The following TEX9 variants were observed in gnomAD, a reference collection of about 807,000 sequenced individuals.
TEX9 encodes testis expressed 9.
A neutral mutation model predicts 59.6 loss-of-function variants in TEX9; 74 were observed. The observed-to-expected ratio is 1.24, with a 90% confidence interval of 1.03 to 1.51. The LOEUF (loss-of-function observed/expected upper bound fraction) is 1.51, where lower values mean the gene tolerates loss of function less well. Ranked by LOEUF, TEX9 falls within the 40% of genes most tolerant of loss-of-function variation. TEX9 has a pLI of 0.00. For missense variants in TEX9, 522 were observed against 447.8 expected, an observed-to-expected ratio of 1.17 and a Z score of -1.49; for synonymous variants, 186 against 152.2, an observed-to-expected ratio of 1.22 and a Z score of -1.64.
chr15:56,260,735 G>C (rs965279449), intron 1 of TEX9, among the ~76,000 whole-genome samples: 7 of 151,704 alleles, frequency 4.6e-5, no homozygotes, highest in Admixed American at 1.3e-4. Flanking sequence ...TCATATTTTT[G>C]TGTTAGGGTT....
In TEX9 at chr15:56,317,705, G is replaced by T. The variant is rs376288277; in HGVS notation, c.-106-55736G>T. Among the ~76,000 whole-genome samples, 21 of 152,044 alleles carry T rather than the reference G, an allele frequency of 1.4e-4. 1 individual carries two copies. Among genetic ancestry groups the T allele is most frequent in the South Asian group, 1.2e-3 (6 of 4,810 alleles). On this transcript the variant is annotated intron_variant, in intron 1 of 5. Transcript: ENST00000560827. ...ACAGCTTAATTGTGTTCCATATATT[G>T]TACTTTCATTTTCATTAATCTCAAG...
At chr15:56,306,986 T>C (rs1308801028) in intron 1 of TEX9, among the ~76,000 whole-genome samples, 3 of 152,204 alleles carry the variant, frequency 2.0e-5, no homozygotes, top group Non-Finnish European at 4.4e-5. Flanking sequence ...AACAGTCTTT[T>C]TTCACTCATA....
At chr15:56,394,060 C>A in intron 7 of TEX9, 105 bp from the exon 8 acceptor site, 2 of 1,006,470 alleles carry the variant, frequency 2.0e-6, no homozygotes, top group Non-Finnish European at 2.9e-6. Context: ...CTATTTGACT[C>A]CCCATCTTGA....
chr15:56,306,673 G>T (rs557245769), intron 1 of TEX9, among the ~76,000 whole-genome samples: 1 of 152,208 alleles, frequency 6.6e-6, no homozygotes, highest in African/African-American at 2.4e-5. Flanking sequence ...AGACTAAGAT[G>T]TAGTATTTTA....
At chr15:56,284,277 G>A (rs370053828) in intron 1 of TEX9, among the ~76,000 whole-genome samples, 7 of 152,146 alleles carry the variant, frequency 4.6e-5, no homozygotes, top group African/African-American at 1.4e-4. Context: ...GATTACAGGC[G>A]TGAGCCACAA....
intron 9 of TEX9, among the ~76,000 whole-genome samples, chr15:56,407,621 T>G (rs1183480209): frequency 6.6e-6 from 1 of 152,164 alleles, no homozygotes; most frequent in Non-Finnish European, 1.5e-5. Context: ...AGTCCTACTT[T>G]AAATGTATTT....
chr15:56,306,337 A>G (rs189765403), intron 1 of TEX9, among the ~76,000 whole-genome samples: 78 of 151,144 alleles, frequency 5.2e-4, no homozygotes, highest in African/African-American at 1.8e-3. Flanking sequence ...TACTATTCAC[A>G]GTAGCCATGA....
intron 1 of TEX9, among the ~76,000 whole-genome samples, chr15:56,298,871 C>A (rs1179162744): frequency 6.6e-6 from 1 of 152,124 alleles, no homozygotes; most frequent in African/African-American, 2.4e-5. Flanking sequence ...AGTTCTGTTC[C>A]TACAAGAATT....
chr15:56,428,351 A>ATT lies in TEX9; in HGVS notation c.1099-7_1099-6dup. 2 of 1,471,216 alleles carry ATT rather than the reference A, an allele frequency of 1.4e-6. No homozygotes were observed. The highest frequency in any genetic ancestry group is 1.4e-5 in the African/African-American group (1 of 71,350). The allele number at this position is 1,471,216 out of a possible 1,614,324, so 91.1% of individuals were successfully genotyped here. A position where few individuals can be genotyped will look rare whatever the true frequency, so the allele number is the denominator to read the frequency against. ...CTTAATACTAAATCAGACAATATTG[A>ATT]TTTTTTTTTTAACAGATGCATATTG... On this transcript the variant is annotated splice_polypyrimidine_tract_variant and intron_variant, in intron 11 of 12. Transcript: ENST00000352903.
At chr15:56,256,496 GA>G (rs1251770341) in intron 1 of TEX9, among the ~76,000 whole-genome samples, 1 of 151,694 alleles carries the variant, frequency 6.6e-6, no homozygotes, top group Non-Finnish European at 1.5e-5. Context: ...AAAAGCTAGT[GA>G]AAAAAATACA....
At chr15:56,416,225 T>C (rs762227193) in intron 10 of TEX9, among the ~76,000 whole-genome samples, 18 of 151,894 alleles carry the variant, frequency 1.2e-4, no homozygotes, top group Non-Finnish European at 2.5e-4. Context: ...TCTTGCCTGA[T>C]TCCTCTGGTT....
intron 9 of TEX9, chr15:56,397,698 T>C (rs537507860): frequency 4.1e-4 from 63 of 152,358 alleles, no homozygotes; most frequent in African/African-American, 1.5e-3. Flanking sequence ...TCCCATGTGT[T>C]GTGGGAGGGA....
At position 56,312,075 on chromosome 15, in the gene TEX9, T is replaced by A. The variant is rs559118662; in HGVS notation, c.-106-61366T>A. Among the ~76,000 whole-genome samples the A allele has an allele frequency of 4.4e-3, 669 of 150,904 alleles. 12 individuals carry two copies. Among genetic ancestry groups the A allele is most frequent in the African/African-American group, 0.016 (653 of 41,472 alleles). The stretch of plus-strand genomic sequence containing the variant: ...TGTCAGATGAGTAGGTTGCGAAAAT[T>A]TTCTCCCATTTTGTAGGTTGCCTCT... On this transcript the variant is annotated intron_variant, in intron 1 of 5. Coordinates refer to the TEX9 transcript ENST00000560827.
At chr15:56,351,759 A>G (rs1433875695) in intron 1 of TEX9, among the ~76,000 whole-genome samples, 3 of 152,246 alleles carry the variant, frequency 2.0e-5, no homozygotes, top group African/African-American at 7.2e-5. Context: ...ATAGGCACAA[A>G]GATTGGATTA....
chr15:56,400,463 CT>C (rs1366124315), intron 9 of TEX9, among the ~76,000 whole-genome samples: 16 of 152,230 alleles, frequency 1.1e-4, no homozygotes, highest in African/African-American at 3.9e-4. Flanking sequence ...TCAACAGAGC[CT>C]TCAAGAAAAA....
intron 9 of TEX9, among the ~76,000 whole-genome samples, chr15:56,401,301 T>A (rs2048757412): frequency 2.8e-4 from 9 of 32,682 alleles, no homozygotes; most frequent in East Asian, 2.4e-3. Flanking sequence ...ACCAAGCAAA[T>A]TGAAAGCAAA....
intron 1 of TEX9, among the ~76,000 whole-genome samples, chr15:56,319,143 C>G (rs796914985): frequency 6.6e-6 from 1 of 151,904 alleles, no homozygotes; most frequent in Non-Finnish European, 1.5e-5. Context: ...CTGTATTATC[C>G]TATTATCACT....
chr15:56,318,699 C>T (rs1175662095), intron 1 of TEX9, among the ~76,000 whole-genome samples: 2 of 151,778 alleles, frequency 1.3e-5, no homozygotes, highest in Admixed American at 1.3e-4. Context: ...TTGAGAAATA[C>T]TCAGTGGTTT....
intron 1 of TEX9, among the ~76,000 whole-genome samples, chr15:56,344,883 G>A (rs2046439204): frequency 6.6e-6 from 1 of 151,726 alleles, no homozygotes; most frequent in African/African-American, 2.4e-5. Context: ...TTTGTTAGCA[G>A]AACTGTTTGC....
Sources: allele counts gnomAD v4.1 joint callset (sites outside exome capture counted in the v4.1 genomes callset), GRCh38; gene constraint gnomAD v4.1.1; transcripts MANE v1.5; gene names NCBI Gene and HGNC (gene_info 2026-07-23, HGNC 2026-07-21).